The following RASA3 variants were observed in gnomAD, a reference collection of about 807,000 sequenced individuals.
The protein encoded by RASA3 is RAS p21 protein activator 3, also known as ras GTPase-activating protein 3.
A neutral mutation model predicts 110.0 loss-of-function variants in RASA3; 73 were observed. The observed-to-expected ratio is 0.66, with a 90% CI of 0.55 to 0.81. The LOEUF is 0.81. Among genes scored for constraint, RASA3 ranks in the 30% least tolerant of loss-of-function variants. RASA3 has a pLI of 0.00. For synonymous variants in RASA3, 500 were observed against 451.4 expected (o/e 1.11, Z -1.37); for missense variants, 976 against 1,113.2 (o/e 0.88, Z 1.75).
Position 114,011,315 on chromosome 13 carries a change from A to AG in RASA3, c.1513-68dup, listed in dbSNP as rs962637518. 2.2e-5 allele frequency: 31 copies of AG among 1,391,762 alleles called. No homozygotes were observed. Among genetic ancestry groups the AG allele is most frequent in the Non-Finnish European group, 2.8e-5 (28 of 990,820 alleles). 86.2% of individuals were successfully genotyped at this position (1,391,762 alleles called of 1,614,324 possible). A position where few individuals can be genotyped will look rare whatever the true frequency, so the allele number is the denominator to read the frequency against. On this transcript the variant is annotated intron_variant, in intron 15 of 23. Transcript: ENST00000334062. The surrounding 1 kb of genome is among the most constrained non-coding windows in gnomAD (Gnocchi z 4.8). ...GAAATGCTGTGACTGTCCCAGATCG[A>AG]GGGGACGAAATGCAGGAGTCACCTC...
chr13:114,043,300 G>T lies in RASA3; in HGVS notation c.278-2206C>A, dbSNP rs77421628. 2.0e-3 allele frequency among the ~76,000 whole-genome samples: 303 copies of T among 152,290 alleles called. 4 individuals carry two copies. In the East Asian group the frequency reaches 0.054, roughly 27 times the overall value. Reference sequence around the variant, plus strand: ...TTCCAAGTGCCCAAAGGAGAGAGACGGAATCAGGACAGTTTGCCTCCAGTG... The same window carrying T: ...TTCCAAGTGCCCAAAGGAGAGAGACTGAATCAGGACAGTTTGCCTCCAGTG... On this transcript the variant is annotated intron_variant, in intron 3 of 23. Coordinates refer to ENST00000334062, the MANE Select transcript of RASA3 (RefSeq NM_007368.4).
At chr13:114,049,913 C>T (rs1276072265) in intron 3 of RASA3, among the ~76,000 whole-genome samples, 3 of 152,216 alleles carry the variant, frequency 2.0e-5, no homozygotes, top group Non-Finnish European at 2.9e-5. Context: ...TCACGGAGGG[C>T]AGCCCACCCA....
At chr13:114,040,745 A>G (rs1442589885) in intron 4 of RASA3, among the ~76,000 whole-genome samples, 11 of 146,194 alleles carry the variant, frequency 7.5e-5, no homozygotes, top group Admixed American at 6.2e-4. Context: ...GCGGGCGAAC[A>G]TGCACAACCC....
rs1033317302 is a variant in RASA3 at position 114,114,026 on chromosome 13, T to A, written c.55+18409A>T. ...ACCGCGTCCATCAGTCCACCCACCA[T>A]GGCGAGTGATGTCCGTATAGCTCAC... On this transcript the variant is annotated intron_variant, in intron 1 of 23. Transcript: ENST00000334062. The surrounding 1 kb of genome is among the most constrained non-coding windows in gnomAD (Gnocchi z 4.8). Among the ~76,000 whole-genome samples, 20 of 149,342 alleles carry A rather than the reference T, an allele frequency of 1.3e-4. No individual in the cohort carries two copies. The highest frequency in any genetic ancestry group is 4.3e-4 in the African/African-American group (17 of 39,666).
At chr13:114,021,750 C>G (rs2053931408) in intron 8 of RASA3, among the ~76,000 whole-genome samples, 1 of 152,160 alleles carries the variant, frequency 6.6e-6, no homozygotes, top group South Asian at 2.1e-4. Flanking sequence ...GGCCATGGGC[C>G]CGGACTCAGA....
intron 20 of RASA3, among the ~76,000 whole-genome samples, chr13:113,998,805 G>A (rs1245069356): frequency 6.6e-6 from 1 of 152,260 alleles, no homozygotes; most frequent in Non-Finnish European, 1.5e-5. Context: ...AAGGCTGGGA[G>A]TGTCCAGTGG....
At chr13:114,067,976 T>C (rs759402456) in intron 2 of RASA3, among the ~76,000 whole-genome samples, 2 of 152,242 alleles carry the variant, frequency 1.3e-5, no homozygotes, top group Non-Finnish European at 2.9e-5. Context: ...TGTCTGCGTA[T>C]CCAGATCATT....
chr13:114,060,193 T>C (rs1290592743), intron 2 of RASA3, among the ~76,000 whole-genome samples: 1 of 152,186 alleles, frequency 6.6e-6, no homozygotes, highest in Non-Finnish European at 1.5e-5. Context: ...TGACGTGGCC[T>C]GGGCAGGGCA....
At chr13:114,009,783 C>T (rs1246124639) in intron 16 of RASA3, among the ~76,000 whole-genome samples, 1 of 152,222 alleles carries the variant, frequency 6.6e-6, no homozygotes, top group Non-Finnish European at 1.5e-5. Flanking sequence ...ACGTTGGGGC[C>T]CAGATGTGGC....
intron 13 of RASA3, 105 bp downstream of exon 13, chr13:114,016,092 C>T: frequency 3.0e-6 from 3 of 1,008,470 alleles, no homozygotes; most frequent in Non-Finnish European, 4.6e-6. Context: ...GGTCCTGCTC[C>T]CACCCCAACC....
Position 114,011,158 on chromosome 13 carries a change from A to T in RASA3, c.1590+13T>A. On this transcript the variant is annotated intron_variant, in intron 16 of 23. Transcript: ENST00000334062. The surrounding 1 kb of genome is among the most constrained non-coding windows in gnomAD (Gnocchi z 4.8). ...TTGTCCCTAAAAAGAGAAAATGAAGAAGAGGGACTCACAGATTTGGACTTG... is the reference window on the plus strand; with the variant it reads ...TTGTCCCTAAAAAGAGAAAATGAAGTAGAGGGACTCACAGATTTGGACTTG... The T allele has an allele frequency of 6.3e-7, 1 of 1,596,284 alleles. No homozygotes were observed. The highest frequency in any genetic ancestry group is 8.6e-7 in the Non-Finnish European group (1 of 1,164,894).
chr13:114,000,648 C>T (rs2053372882), intron 19 of RASA3, among the ~76,000 whole-genome samples, 178 bp downstream of exon 19: 1 of 152,170 alleles, frequency 6.6e-6, no homozygotes, highest in African/African-American at 2.4e-5. Flanking sequence ...CTGAAAGACC[C>T]CTTCAGGGAT....
intron 1 of RASA3, among the ~76,000 whole-genome samples, chr13:114,081,196 G>T (rs1198602558): frequency 6.6e-6 from 1 of 152,202 alleles, no homozygotes; most frequent in African/African-American, 2.4e-5. Flanking sequence ...TGGTGCAAAG[G>T]CTGTTAGCAA....
At chr13:113,980,808 C>A (rs2052916263) in intron 23 of RASA3, among the ~76,000 whole-genome samples, 1 of 152,032 alleles carries the variant, frequency 6.6e-6, no homozygotes, top group African/African-American at 2.4e-5. Flanking sequence ...CCTTCCCAGA[C>A]CAGACCCGCA....
At chr13:114,040,807 C>T (rs534865654) in intron 4 of RASA3, among the ~76,000 whole-genome samples, 193 bp downstream of exon 4, 2 of 151,772 alleles carry the variant, frequency 1.3e-5, no homozygotes, top group African/African-American at 4.8e-5. Flanking sequence ...GGCGAACACG[C>T]ACAACCCAAA....
chr13:114,021,428 C>T lies in RASA3; in HGVS notation c.761G>A (p.Arg254Gln), dbSNP rs147754615. 2.1e-5 allele frequency: 34 copies of T among 1,614,022 alleles called. No individual in the cohort carries two copies. The highest frequency in any genetic ancestry group is 1.5e-4 in the African/African-American group (11 of 75,068). ...GELRIPLKVL[R>Q]QSSSYEAWYF... ...CCACGCCTCGTAGGAGCTGGACTGC[C>T]GCAGGACTTTCAACGGGATCCTTAG... Residue 254 changes from arginine (R) to glutamine (Q), a missense_variant, in exon 9 of 24, where the codon CGG becomes CAG. Arg to Gln is a conservative substitution (Grantham distance 43). This residue lies in a region of RASA3 where 732 missense variants were observed against 779.7 expected (regional missense o/e 0.94). Transcript: ENST00000334062.
intron 4 of RASA3, among the ~76,000 whole-genome samples, chr13:114,030,361 A>AGGGCTCACACAG: frequency 6.7e-6 from 1 of 150,298 alleles, no homozygotes; most frequent in East Asian, 1.9e-4. Context: ...CACAGAGGGC[A>AGGGCTCACACAG]AGGCTCACAC....
At chr13:114,073,463 C>T (rs543604053) in intron 2 of RASA3, among the ~76,000 whole-genome samples, 5 of 129,176 alleles carry the variant, frequency 3.9e-5, no homozygotes, top group Admixed American at 7.7e-5. Context: ...GAAAATGGGA[C>T]GGTGATGTAC....
intron 1 of RASA3, among the ~76,000 whole-genome samples, chr13:114,088,849 C>T (rs2079854082): frequency 1.3e-5 from 2 of 152,070 alleles, no homozygotes; most frequent in Admixed American, 1.3e-4. Flanking sequence ...TGTGCCTGGC[C>T]CTAAAATTCC....
Sources: allele counts gnomAD v4.1 joint callset (sites outside exome capture counted in the v4.1 genomes callset), GRCh38; gene constraint gnomAD v4.1.1; regional missense constraint gnomAD v4.1.1; non-coding constraint Gnocchi (gnomAD v3.1); transcripts MANE v1.5; gene names NCBI Gene and HGNC (gene_info 2026-07-23, HGNC 2026-07-21).